The following BBS9 variants were observed in gnomAD, a reference collection of about 807,000 sequenced individuals.
BBS9 encodes the protein Bardet-Biedl syndrome 9.
Under a neutral mutation model 117.7 loss-of-function variants are expected in BBS9, and 89 were observed. The ratio of observed to expected loss-of-function variants is 0.76; its 90% CI spans 0.64 to 0.90. BBS9 has a LOEUF of 0.90. BBS9 is among the 40% of genes least tolerant of loss of function. The pLI is 0.00. For missense variants in BBS9, 982 were observed against 1,042.2 expected, an observed-to-expected ratio of 0.94 and a Z score of 0.80; for synonymous variants, 379 against 370.9, an observed-to-expected ratio of 1.02 and a Z score of -0.25.
chr7:33,561,997 T>C (rs1042456993), intron 21 of BBS9, among the ~76,000 whole-genome samples: 1 of 152,242 alleles, frequency 6.6e-6, no homozygotes, highest in Non-Finnish European at 1.5e-5. Context: ...AACAATTCTA[T>C]GTAGTCTGAC....
chr7:33,176,216 A>G (rs1797307968), intron 4 of BBS9, among the ~76,000 whole-genome samples: 1 of 152,096 alleles, frequency 6.6e-6, no homozygotes, highest in Non-Finnish European at 1.5e-5. Flanking sequence ...TTGAGGTGTC[A>G]TATTCTGGTA....
rs78034519 is a variant in BBS9, at chr7:33,628,187, C to A, written c.2522-6990C>A. Reference sequence around the variant, plus strand: ...TTAAAAGCCAGCATCATCCTGATACCCAACCAGACAAAAACAGTATTTAGG... The same window carrying A: ...TTAAAAGCCAGCATCATCCTGATACACAACCAGACAAAAACAGTATTTAGG... On this transcript the variant is annotated intron_variant, in intron 21 of 21. Coordinates refer to the BBS9 transcript ENST00000671952. 8.1e-3 allele frequency among the ~76,000 whole-genome samples: 1,227 copies of A among 152,054 alleles called. 21 individuals carry two copies. Among genetic ancestry groups the A allele is most frequent in the African/African-American group, 0.028 (1,168 of 41,454 alleles).
chr7:33,313,933 T>TAAA (rs1809884672), intron 9 of BBS9, among the ~76,000 whole-genome samples: 3 of 152,060 alleles, frequency 2.0e-5, no homozygotes, highest in African/African-American at 7.2e-5. Context: ...GAAACTGAGG[T>TAAA]TCTAGGTTTG....
At chr7:33,317,947 G>A (rs558316736) in intron 9 of BBS9, among the ~76,000 whole-genome samples, 6 of 152,262 alleles carry the variant, frequency 3.9e-5, no homozygotes, top group Admixed American at 6.5e-5. Context: ...AGCTACTTGC[G>A]AGGCTTAGGC....
intron 9 of BBS9, among the ~76,000 whole-genome samples, chr7:33,319,029 G>C (rs1168005807): frequency 6.6e-6 from 1 of 152,070 alleles, no homozygotes. Context: ...TGGGTATGGT[G>C]GTGGGCACCT....
chr7:33,293,713 A>G lies in BBS9; in HGVS notation c.1016+19757A>G, dbSNP rs146846279. 2.8e-3 allele frequency among the ~76,000 whole-genome samples: 420 copies of G among 152,280 alleles called. 1 individual carries two copies. Among genetic ancestry groups the G allele is most frequent in the African/African-American group, 9.8e-3 (409 of 41,568 alleles). ...TAGTCAATATATAGAACCTATCTCT[A>G]TAGACTATTTATTAGACTCAGTACT... On this transcript the variant is annotated intron_variant, in intron 9 of 22. Transcript: ENST00000242067.
At chr7:33,313,200 T>C (rs1205974389) in intron 9 of BBS9, among the ~76,000 whole-genome samples, 1 of 152,052 alleles carries the variant, frequency 6.6e-6, no homozygotes, top group African/African-American at 2.4e-5. Context: ...TGTCTGATTT[T>C]TTTGGTCTTC....
intron 21 of BBS9, among the ~76,000 whole-genome samples, chr7:33,622,268 G>C (rs1235622261): frequency 6.6e-6 from 1 of 151,974 alleles, no homozygotes; most frequent in Non-Finnish European, 1.5e-5. Flanking sequence ...ACTTATTTGT[G>C]GAATGTAAGA....
chr7:33,349,425 T>C (rs1472749793), intron 13 of BBS9: 2 of 475,954 alleles, frequency 4.2e-6, no homozygotes, highest in African/African-American at 4.0e-5. Flanking sequence ...GACCTATAAT[T>C]GTTTTTGATT....
At chr7:33,511,961 G>A (rs1167993766) in intron 20 of BBS9, among the ~76,000 whole-genome samples, 1 of 152,208 alleles carries the variant, frequency 6.6e-6, no homozygotes, top group Non-Finnish European at 1.5e-5. Context: ...AACAAAAAGA[G>A]GAAGTCTGGT....
intron 19 of BBS9, among the ~76,000 whole-genome samples, chr7:33,494,601 G>C (rs1425736315): frequency 6.6e-6 from 1 of 152,206 alleles, no homozygotes; most frequent in Non-Finnish European, 1.5e-5. Context: ...TTTACCTGGA[G>C]TATAGGGAGG....
intron 14 of BBS9, among the ~76,000 whole-genome samples, chr7:33,352,351 T>C (rs1467249537): frequency 6.6e-6 from 1 of 152,128 alleles, no homozygotes; most frequent in Non-Finnish European, 1.5e-5. Flanking sequence ...TGGTTGAAAG[T>C]GAATTAGAAA....
chr7:33,328,901 A>G (rs11771086), intron 9 of BBS9, among the ~76,000 whole-genome samples: 25,434 of 151,984 alleles, frequency 0.17, 2,374 homozygotes, highest in South Asian at 0.21. Flanking sequence ...AATCCCACAA[A>G]TATTTAATTT....
chr7:33,390,320 C>T (rs1038057920), intron 19 of BBS9: 38 of 984,844 alleles, frequency 3.9e-5, no homozygotes, highest in Non-Finnish European at 4.3e-5. Flanking sequence ...AGTAAGACTT[C>T]GTCTTTTATA....
chr7:33,417,289 T>C (rs1832166542), intron 19 of BBS9, among the ~76,000 whole-genome samples: 1 of 152,250 alleles, frequency 6.6e-6, no homozygotes, highest in Non-Finnish European at 1.5e-5. Context: ...AAACACAGTT[T>C]ATAGCATTGT....
chr7:33,345,182 A>G (rs549045380), intron 12 of BBS9, among the ~76,000 whole-genome samples: 6 of 152,396 alleles, frequency 3.9e-5, no homozygotes, highest in Non-Finnish European at 5.9e-5. Flanking sequence ...ACAAATTGAT[A>G]GTCTGGAAAA....
At chr7:33,356,587 T>C (rs1185844710) in intron 15 of BBS9, among the ~76,000 whole-genome samples, 1 of 151,790 alleles carries the variant, frequency 6.6e-6, no homozygotes, top group Non-Finnish European at 1.5e-5. Context: ...ATGACAAATA[T>C]GCTCCACATG....
chr7:33,502,095 A>G (rs1286735653), intron 19 of BBS9, among the ~76,000 whole-genome samples: 1 of 152,072 alleles, frequency 6.6e-6, no homozygotes, highest in Non-Finnish European at 1.5e-5. Context: ...TTTTTAGTAA[A>G]GATGGGTTTT....
chr7:33,499,514 G>T (rs1845166735), intron 19 of BBS9, among the ~76,000 whole-genome samples: 1 of 152,130 alleles, frequency 6.6e-6, no homozygotes, highest in Non-Finnish European at 1.5e-5. Flanking sequence ...AATCTATCTG[G>T]TTTATTGTAA....
Sources: allele counts gnomAD v4.1 joint callset (sites outside exome capture counted in the v4.1 genomes callset), GRCh38; gene constraint gnomAD v4.1.1; transcripts MANE v1.5; gene names NCBI Gene and HGNC (gene_info 2026-07-23, HGNC 2026-07-21).